AFF1: variants seen among roughly 807,000 people sequenced by gnomAD.
AFF1 encodes the protein AF4/FMR2 family member 1.
AFF1 carries 48 observed loss-of-function variants against 121.7 expected under a neutral mutation model. The ratio of observed to expected loss-of-function variants is 0.39; its 90% CI spans 0.31 to 0.50. The LOEUF (loss-of-function observed/expected upper bound fraction) is 0.50. Among genes scored for constraint, AFF1 ranks in the 20% least tolerant of loss-of-function variants. The pLI is 0.76. For missense variants in AFF1, 1,523 were observed against 1,511.7 expected, an observed-to-expected ratio of 1.01 and a Z score of -0.12; for synonymous variants, 613 against 563.0, an observed-to-expected ratio of 1.09 and a Z score of -1.26.
intron 5 of AFF1, among the ~76,000 whole-genome samples, chr4:87,088,145 C>T (rs190531663): frequency 7.2e-6 from 1 of 139,032 alleles, no homozygotes; most frequent in East Asian, 2.1e-4. Flanking sequence ...CTTAGGCTGA[C>T]ATGGCTGGTA....
chr4:87,019,972 C>T (rs1163265220), intron 2 of AFF1, among the ~76,000 whole-genome samples: 1 of 149,962 alleles, frequency 6.7e-6, no homozygotes, highest in South Asian at 2.1e-4. Context: ...GGAAAATCTC[C>T]TCCTCCCACG....
Position 87,046,960 on chromosome 4 carries a change from TG to T in AFF1, c.427del (p.Ala143ArgfsTer24), listed in dbSNP as rs1730757838. ...GGCAACATTAGCCACAATCCAAAGATGGCGCAGCCAAGAACTGAACCAATGC... is the reference window on the plus strand; with the variant it reads ...GGCAACATTAGCCACAATCCAAAGATGCGCAGCCAAGAACTGAACCAATGC... ...SVGNISHNPK[M>X]AQPRTEPMPS... is the part of the protein sequence containing the mutation. On this transcript the variant is annotated frameshift_variant, in exon 4 of 21. Transcript: ENST00000395146. LOFTEE classifies it high-confidence loss of function. 6.2e-7 allele frequency: 1 copy of T among 1,614,112 alleles called. No individual in the cohort carries two copies. The highest frequency in any genetic ancestry group is 8.5e-7 in the Non-Finnish European group (1 of 1,180,036).
chr4:87,023,761 G>A (rs1449756627), intron 2 of AFF1, among the ~76,000 whole-genome samples: 1 of 152,190 alleles, frequency 6.6e-6, no homozygotes, highest in African/African-American at 2.4e-5. Context: ...AATGGCAAAC[G>A]GTGCAATCAC....
Position 87,084,172 on chromosome 4 carries a change from C to G in AFF1, c.1104+8C>G, listed in dbSNP as rs767150536. ...GTTGAAGAGATTCTGAAGGTGAGTTCACTGTTAATCTTTCTCATTTGAAGA... is the reference window on the plus strand; with the variant it reads ...GTTGAAGAGATTCTGAAGGTGAGTTGACTGTTAATCTTTCTCATTTGAAGA... On this transcript the variant is annotated splice_region_variant and intron_variant, in intron 5 of 20. Coordinates refer to ENST00000395146, the MANE Select transcript of AFF1 (RefSeq NM_001166693.3). 6.2e-7 allele frequency: 1 copy of G among 1,612,878 alleles called. No homozygotes were observed. Among genetic ancestry groups the G allele is most frequent in the Non-Finnish European group, 8.5e-7 (1 of 1,179,018 alleles).
intron 4 of AFF1, among the ~76,000 whole-genome samples, chr4:87,049,216 C>CT (rs1323321155): frequency 6.6e-6 from 1 of 151,950 alleles, no homozygotes; most frequent in African/African-American, 2.4e-5. Flanking sequence ...CAACCATATG[C>CT]TTAAGTGCAA....
intron 2 of AFF1, among the ~76,000 whole-genome samples, chr4:86,953,856 GCA>G (rs35286501): frequency 0.13 from 20,133 of 151,722 alleles, 1,793 homozygotes; most frequent in Middle Eastern, 0.19. Context: ...AGTAGCTGGC[GCA>G]CCACCACGCC....
chr4:86,970,283 T>C (rs1722851068), intron 2 of AFF1, among the ~76,000 whole-genome samples: 1 of 151,802 alleles, frequency 6.6e-6, no homozygotes, highest in Non-Finnish European at 1.5e-5. Context: ...AGGTGAAGAG[T>C]TCCAGACCAG....
chr4:87,018,087 G>A (rs887527279), intron 2 of AFF1, among the ~76,000 whole-genome samples: 2 of 152,134 alleles, frequency 1.3e-5, no homozygotes, highest in African/African-American at 4.8e-5. Flanking sequence ...ATTTACCTGC[G>A]TAAGAATTAT....
intron 2 of AFF1, among the ~76,000 whole-genome samples, chr4:86,986,989 A>G (rs1724337588): frequency 6.6e-6 from 1 of 152,008 alleles, no homozygotes; most frequent in African/African-American, 2.4e-5. Context: ...CTACAGGTAC[A>G]CACCACCATG....
chr4:87,087,412 A>G (rs1020665623), intron 5 of AFF1, among the ~76,000 whole-genome samples: 1 of 152,220 alleles, frequency 6.6e-6, no homozygotes, highest in Non-Finnish European at 1.5e-5. Context: ...GGTGGTATCA[A>G]GTTGGTGTAT....
intron 2 of AFF1, among the ~76,000 whole-genome samples, chr4:86,995,920 T>A (rs1168107417): frequency 7.2e-6 from 1 of 138,330 alleles, no homozygotes; most frequent in African/African-American, 2.7e-5. Context: ...ACCTCTGCCC[T>A]GCCGCCCCGT....
intron 16 of AFF1, among the ~76,000 whole-genome samples, chr4:87,128,107 G>A (rs1257308342): frequency 1.3e-5 from 2 of 152,174 alleles, no homozygotes; most frequent in Non-Finnish European, 1.5e-5. Context: ...GAGCCCTGCT[G>A]TTGAAACTCA....
intron 5 of AFF1, among the ~76,000 whole-genome samples, chr4:87,088,775 G>T (rs1411633140): frequency 6.7e-6 from 1 of 150,360 alleles, no homozygotes; most frequent in Non-Finnish European, 1.5e-5. Context: ...TTGTATTTTT[G>T]TATTTATTTA....
Position 87,136,414 on chromosome 4 carries a change from G to C in AFF1, c.*713G>C. The C allele has an allele frequency of 4.3e-6, 1 of 232,600 alleles. No homozygotes were observed. Among genetic ancestry groups the C allele is most frequent in the Non-Finnish European group, 8.5e-6 (1 of 117,626 alleles). 14.4% of individuals were successfully genotyped at this position (232,600 alleles called of 1,614,324 possible). On this transcript the variant is annotated 3_prime_UTR_variant, in exon 21 of 21. Coordinates refer to ENST00000395146, the MANE Select transcript of AFF1 (RefSeq NM_001166693.3). ...CTTCTCATTACTGTGCTGAAAGTCAGCCCACGTCGGAGCGGTGAGGAGGAG... is the reference window on the plus strand; with the variant it reads ...CTTCTCATTACTGTGCTGAAAGTCACCCCACGTCGGAGCGGTGAGGAGGAG...
chr4:87,067,045 A>C (rs1721432003), intron 4 of AFF1, among the ~76,000 whole-genome samples: 1 of 152,252 alleles, frequency 6.6e-6, no homozygotes, highest in African/African-American at 2.4e-5. Flanking sequence ...TAAAAGTTAC[A>C]GAATTTGTTA....
intron 2 of AFF1, among the ~76,000 whole-genome samples, chr4:87,021,616 CTT>C (rs953940423): frequency 1.3e-5 from 2 of 152,056 alleles, no homozygotes; most frequent in East Asian, 3.8e-4. Context: ...TCTTTAGAAT[CTT>C]TTTTTGTAGT....
chr4:87,103,406 T>C (rs1725620505), intron 8 of AFF1, among the ~76,000 whole-genome samples: 1 of 152,384 alleles, frequency 6.6e-6, no homozygotes, highest in Admixed American at 6.5e-5. Context: ...TAAAATACTT[T>C]ATGTATAAAT....
rs556443623 is a variant in AFF1, at chr4:87,127,173, C to A, written c.2903+56C>A. 2.5e-5 allele frequency: 33 copies of A among 1,296,244 alleles called. 2 individuals are homozygous for A. The highest frequency in any genetic ancestry group is 3.5e-5 in the Non-Finnish European group (32 of 917,814). The allele number at this position is 1,296,244 out of a possible 1,614,324, so 80.3% of individuals were successfully genotyped here. On this transcript the variant is annotated intron_variant, in intron 15 of 20. Transcript: ENST00000395146. ...GTTTTGTTTTGTTTTGCTTCCCCCC[C>A]CCACCAAGATAGAGTCTCACTCTGT...
chr4:86,945,126 G>GAT (rs1191200408), intron 1 of AFF1, among the ~76,000 whole-genome samples: 5 of 152,146 alleles, frequency 3.3e-5, no homozygotes, highest in African/African-American at 4.8e-5. Flanking sequence ...TTAGCTAGGT[G>GAT]ATATAATATA....
Sources: allele counts gnomAD v4.1 joint callset (sites outside exome capture counted in the v4.1 genomes callset), GRCh38; gene constraint gnomAD v4.1.1; transcripts MANE v1.5; gene names NCBI Gene and HGNC (gene_info 2026-07-23, HGNC 2026-07-21).